IQCM: variants seen among roughly 807,000 people sequenced by gnomAD.
IQCM encodes IQ domain-containing protein M.
Under a neutral mutation model 57.6 loss-of-function variants are expected in IQCM, and 45 were observed. The observed-to-expected ratio is 0.78, with a 90% confidence interval of 0.62 to 1.00. The LOEUF (loss-of-function observed/expected upper bound fraction) is 1.00, where lower values mean the gene tolerates loss of function less well. Among genes scored for constraint, IQCM ranks in the 50% least tolerant of loss-of-function variants. IQCM has a pLI of 0.00. For synonymous variants in IQCM, 148 were observed against 158.9 expected, an observed-to-expected ratio of 0.93 and a Z score of 0.51; for missense variants, 468 against 511.6, an observed-to-expected ratio of 0.91 and a Z score of 0.82.
At chr4:149,595,277 C>T (rs1038890615) in intron 8 of IQCM, among the ~76,000 whole-genome samples, 1 of 151,978 alleles carries the variant, frequency 6.6e-6, no homozygotes, top group Non-Finnish European at 1.5e-5. Context: ...AGGATTGCAA[C>T]CCCTGCTTTT....
chr4:149,498,639 A>G (rs1430753081), intron 12 of IQCM, among the ~76,000 whole-genome samples: 2 of 152,150 alleles, frequency 1.3e-5, no homozygotes, highest in African/African-American at 4.8e-5. Flanking sequence ...GGTGCCCTGA[A>G]GAACACATAC....
At chr4:149,643,494 T>C (rs1294035131) in intron 7 of IQCM, among the ~76,000 whole-genome samples, 1 of 152,194 alleles carries the variant, frequency 6.6e-6, no homozygotes, top group Non-Finnish European at 1.5e-5. Context: ...ACATTAAAGG[T>C]TGGTGAGTAG....
At chr4:149,775,635 T>G (rs549335392) in intron 2 of IQCM, among the ~76,000 whole-genome samples, 1 of 145,630 alleles carries the variant, frequency 6.9e-6, no homozygotes, top group East Asian at 1.9e-4. Context: ...ATTTTCCAAT[T>G]TATTATAGAT....
At chr4:149,659,990 T>A (rs1760021969) in intron 7 of IQCM, among the ~76,000 whole-genome samples, 1 of 151,106 alleles carries the variant, frequency 6.6e-6, no homozygotes, top group Admixed American at 6.6e-5. Flanking sequence ...TGGGATCTAA[T>A]TAAACTAAAG....
intron 5 of IQCM, among the ~76,000 whole-genome samples, chr4:149,694,915 C>A (rs1366073270): frequency 6.6e-6 from 1 of 152,104 alleles, no homozygotes; most frequent in East Asian, 1.9e-4. Flanking sequence ...GGTTTTCTCA[C>A]CTTTCTCTCT....
At chr4:149,528,081 G>A (rs139164126) in intron 12 of IQCM, among the ~76,000 whole-genome samples, 3,540 of 151,214 alleles carry the variant, frequency 0.023, 122 homozygotes, top group African/African-American at 0.08. Flanking sequence ...CACCTCCTGC[G>A]TTCAAGTGAT....
chr4:149,650,020 T>G (rs2150131774), intron 7 of IQCM, among the ~76,000 whole-genome samples: 1 of 152,318 alleles, frequency 6.6e-6, no homozygotes, highest in Non-Finnish European at 1.5e-5. Flanking sequence ...AACAATCAGC[T>G]AATCCAGTAT....
At chr4:149,614,211 G>A (rs1755576249) in intron 8 of IQCM, among the ~76,000 whole-genome samples, 1 of 152,002 alleles carries the variant, frequency 6.6e-6, no homozygotes, top group African/African-American at 2.4e-5. Context: ...TTTTAATGCA[G>A]CTTATTATGA....
chr4:149,459,811 C>A (rs1738082286), intron 12 of IQCM, among the ~76,000 whole-genome samples: 1 of 151,934 alleles, frequency 6.6e-6, no homozygotes, highest in Non-Finnish European at 1.5e-5. Flanking sequence ...ATGTATATAC[C>A]ACATTTTGCT....
At chr4:149,786,683 G>A (rs145467123) in intron 2 of IQCM, among the ~76,000 whole-genome samples, 3,401 of 152,256 alleles carry the variant, frequency 0.022, 65 homozygotes, top group South Asian at 0.036. Context: ...GGAAACAATA[G>A]ATGCTGGCGA....
chr4:149,766,454 C>T lies in IQCM; in HGVS notation c.-48-23715G>A, dbSNP rs952973267. Among the ~76,000 whole-genome samples, 106 of 152,096 alleles carry T rather than the reference C, an allele frequency of 7.0e-4. 1 individual carries two copies. The highest frequency in any genetic ancestry group is 3.5e-3 in the Admixed American group (53 of 15,258). Reference sequence around the variant, plus strand: ...ACCAATAGAGACTTGTCGTTTCAGGCTTAAAGGTGGTCCAAGCAAGGCTCT... The same window carrying T: ...ACCAATAGAGACTTGTCGTTTCAGGTTTAAAGGTGGTCCAAGCAAGGCTCT... On this transcript the variant is annotated intron_variant, in intron 2 of 13. Transcript: ENST00000636793.
intron 7 of IQCM, among the ~76,000 whole-genome samples, chr4:149,668,596 C>T (rs1178598701): frequency 6.6e-6 from 1 of 152,096 alleles, no homozygotes; most frequent in Admixed American, 6.6e-5. Flanking sequence ...CACCATGGCA[C>T]ATGTATACAT....
At chr4:149,429,863 A>T (rs1734701169) in intron 13 of IQCM, 1 of 566,474 alleles carries the variant, frequency 1.8e-6, no homozygotes, top group Admixed American at 4.4e-5. Flanking sequence ...TACCCAAAGA[A>T]AAAGAAAAAA....
In IQCM at chr4:149,371,959, T is replaced by TA. The variant is rs534309956; in HGVS notation, c.1391-19894dup. ...TACTTCTCATGAATTTCTCAAGCTT[T>TA]AAAAAAAATTGTAATTAATCTGAAC... On this transcript the variant is annotated intron_variant, in intron 13 of 13. Transcript: ENST00000636793. 4.7e-4 allele frequency among the ~76,000 whole-genome samples: 71 copies of TA among 152,150 alleles called. 1 individual carries two copies. In the East Asian group the frequency reaches 0.011, roughly 23 times the overall value.
chr4:149,812,656 G>T (rs1774691715), intron 2 of IQCM, among the ~76,000 whole-genome samples: 1 of 151,954 alleles, frequency 6.6e-6, no homozygotes, highest in Non-Finnish European at 1.5e-5. Context: ...TATCATTATT[G>T]TTAATAAATT....
intron 12 of IQCM, among the ~76,000 whole-genome samples, chr4:149,536,508 C>T (rs891378410): frequency 9.2e-5 from 14 of 151,958 alleles, no homozygotes; most frequent in Non-Finnish European, 1.9e-4. Context: ...TAACTCAAAT[C>T]CTACCCTCTA....
intron 2 of IQCM, among the ~76,000 whole-genome samples, chr4:149,757,524 T>A (rs1404704300): frequency 2.0e-5 from 3 of 151,942 alleles, no homozygotes; most frequent in South Asian, 2.1e-4. Flanking sequence ...AACAAAAAAA[T>A]TTGTAGCAAT....
chr4:149,567,760 A>G (rs1172708369), intron 9 of IQCM, among the ~76,000 whole-genome samples: 1 of 152,072 alleles, frequency 6.6e-6, no homozygotes, highest in Non-Finnish European at 1.5e-5. Context: ...CTTCTTCACT[A>G]TATAAAAGGA....
intron 12 of IQCM, among the ~76,000 whole-genome samples, chr4:149,466,151 C>T (rs929325935): frequency 2.0e-5 from 3 of 152,164 alleles, no homozygotes; most frequent in African/African-American, 7.2e-5. Context: ...TGATAATATG[C>T]ACACTTCTAT....
Sources: gnomAD v4.1 joint callset for allele counts (sites outside exome capture counted in the v4.1 genomes callset) on GRCh38, gnomAD v4.1.1 for gene constraint, MANE v1.5 for transcripts, NCBI Gene and HGNC (gene_info 2026-07-23, HGNC 2026-07-21) for gene names.